DAZL: variants seen among roughly 807,000 people sequenced by gnomAD.
The protein encoded by DAZL is deleted in azoospermia like.
Under a neutral mutation model 45.0 loss-of-function variants are expected in DAZL, and 4 were observed. The ratio of observed to expected loss-of-function variants is 0.09; its 90% CI spans 0.04 to 0.20. DAZL has a LOEUF of 0.20. Ranked by LOEUF, DAZL falls within the 10% of genes least tolerant of loss-of-function variation. The pLI, the probability that DAZL is intolerant of heterozygous loss-of-function variation, is 1.00. For synonymous variants in DAZL, 122 were observed against 112.4 expected (o/e 1.09, Z -0.54); for missense variants, 326 against 351.3 (o/e 0.93, Z 0.58).
rs547150338 is a variant in DAZL, at chr3:16,601,729, G to C, written c.4-3131C>G. Among the ~76,000 whole-genome samples the C allele has an allele frequency of 7.2e-5, 11 of 151,958 alleles. No individual in the cohort carries two copies. In the South Asian group the frequency reaches 2.3e-3, roughly 32 times the overall value. On this transcript the variant is annotated intron_variant, in intron 1 of 10. Coordinates refer to ENST00000399444, the MANE Select transcript of DAZL (RefSeq NM_001351.4). ...TAATCATACCTTCAAGTGAGTTGGT[G>C]AATTTTGAAATGAGAAATGTTGGAA...
rs973633608 is a variant in DAZL at position 16,595,461 on chromosome 3, C to T, written c.499-76G>A. 2.7e-5 allele frequency: 23 copies of T among 843,642 alleles called. No individual in the cohort carries two copies. In the African/African-American group the frequency reaches 3.8e-4, roughly 14 times the overall value. The allele number at this position is 843,642 out of a possible 1,614,324, so 52.3% of individuals were successfully genotyped here. On this transcript the variant is annotated intron_variant, in intron 6 of 10. Coordinates refer to ENST00000399444, the MANE Select transcript of DAZL (RefSeq NM_001351.4). ...ATTAGAAATATTATTCCCAATATAA[C>T]AAAAATATGAAAACTTTTAAAATAT...
Position 16,587,472 on chromosome 3 carries a change from T to C in DAZL, c.*1188A>G, listed in dbSNP as rs1694454230. ...CTTTCATTCTTTATATCACCAGTTC[T>C]AGGAGCAAACCTCCTCAAAGACTAG... On this transcript the variant is annotated 3_prime_UTR_variant, in exon 11 of 11. Coordinates refer to ENST00000399444, the MANE Select transcript of DAZL (RefSeq NM_001351.4). 6.6e-6 allele frequency: 1 copy of C among 152,418 alleles called. No homozygotes were observed. The highest frequency in any genetic ancestry group is 6.6e-5 in the Admixed American group (1 of 15,228). The allele number at this position is 152,418 out of a possible 1,614,324, so 9.4% of individuals were successfully genotyped here. A position where few individuals can be genotyped will look rare whatever the true frequency, so the allele number is the denominator to read the frequency against.
intron 1 of DAZL, chr3:16,604,680 G>A (rs1694747719): frequency 5.9e-6 from 8 of 1,354,660 alleles, no homozygotes; most frequent in Admixed American, 3.4e-5. Context: ...AGGAAGCTCC[G>A]GCCCTCGAAG....
intron 6 of DAZL, 34 bp downstream of exon 6, chr3:16,596,716 A>C: frequency 6.2e-7 from 1 of 1,610,476 alleles, no homozygotes; most frequent in Non-Finnish European, 8.5e-7. Flanking sequence ...TGACTACAAT[A>C]AACAAGAGAA....
Position 16,588,569 on chromosome 3 carries a change from A to T in DAZL, c.*91T>A. On this transcript the variant is annotated 3_prime_UTR_variant, in exon 11 of 11. Coordinates refer to ENST00000399444, the MANE Select transcript of DAZL (RefSeq NM_001351.4). The stretch of plus-strand genomic sequence containing the variant: ...TATACACAAAGTTTGAGTGTGATTT[A>T]CCAAAATTCAGAATTTCTATAATAG... 3 of 1,012,970 alleles carry T rather than the reference A, an allele frequency of 3.0e-6. No individual in the cohort carries two copies. Among genetic ancestry groups the T allele is most frequent in the Non-Finnish European group, 4.7e-6 (3 of 635,150 alleles). 62.7% of individuals were successfully genotyped at this position (1,012,970 alleles called of 1,614,324 possible).
chr3:16,599,851 T>C (rs1375270830), intron 1 of DAZL, among the ~76,000 whole-genome samples: 1 of 152,130 alleles, frequency 6.6e-6, no homozygotes, highest in Non-Finnish European at 1.5e-5. Flanking sequence ...TACAGGTAAG[T>C]GGTTACAAGC....
chr3:16,595,898 T>C (rs1694592524), intron 6 of DAZL, among the ~76,000 whole-genome samples: 2 of 152,028 alleles, frequency 1.3e-5, no homozygotes, highest in Admixed American at 1.3e-4. Context: ...TAATGTCTTA[T>C]ATTTTTCAAT....
At chr3:16,603,537 G>C (rs756019580) in intron 1 of DAZL, among the ~76,000 whole-genome samples, 6 of 146,970 alleles carry the variant, frequency 4.1e-5, no homozygotes, top group Non-Finnish European at 7.4e-5. Flanking sequence ...AGTAGCGATG[G>C]GGTTTCGCCG....
rs537655505 is a variant in DAZL, at chr3:16,605,402, G to A, written c.-197C>T. 1.2e-5 allele frequency: 8 copies of A among 686,742 alleles called. No individual in the cohort carries two copies. The highest frequency in any genetic ancestry group is 2.7e-5 in the East Asian group (1 of 36,978). 42.5% of individuals were successfully genotyped at this position (686,742 alleles called of 1,614,324 possible). On this transcript the variant is annotated 5_prime_UTR_variant, in exon 1 of 11. Coordinates refer to ENST00000399444, the MANE Select transcript of DAZL (RefSeq NM_001351.4). ...AGGAGCCCCGAAAGGCGGACCGTCA[G>A]GCTGAGGAGCGCAGGCGGACTGAGG...
chr3:16,598,269 TCCC>T (rs1159217308), intron 2 of DAZL, 91 bp from the exon 3 acceptor site: 92 of 1,423,574 alleles, frequency 6.5e-5, no homozygotes, highest in Admixed American at 3.6e-5. Context: ...TGACAATTTC[TCCC>T]CCATTTATCC....
At chr3:16,596,916 CT>C in intron 5 of DAZL, 27 bp from the exon 6 acceptor site, 2 of 1,613,606 alleles carry the variant, frequency 1.2e-6, no homozygotes, top group Non-Finnish European at 1.7e-6. Context: ...AAGAAAAGGC[CT>C]ATTTTTAGTT....
chr3:16,598,344 C>A, intron 2 of DAZL, 108 bp downstream of exon 2: 1 of 1,498,446 alleles, frequency 6.7e-7, no homozygotes, highest in Non-Finnish European at 9.2e-7. Context: ...AATGTAAAAC[C>A]AATTCTAAAC....
At chr3:16,604,611 G>GCCCC in intron 1 of DAZL, 8 of 1,373,784 alleles carry the variant, frequency 5.8e-6, no homozygotes, top group Non-Finnish European at 7.5e-6. Context: ...CCACGCTGAG[G>GCCCC]CCCCCACGAA....
At chr3:16,592,299 G>GT in intron 9 of DAZL, 151 bp from the exon 10 acceptor site, 1 of 1,204,592 alleles carries the variant, frequency 8.3e-7, no homozygotes, top group Non-Finnish European at 1.2e-6. Flanking sequence ...GCTCACGCCT[G>GT]TAATCCCAGC....
At chr3:16,593,610 G>GA (rs762377794) in intron 9 of DAZL, 45 bp downstream of exon 9, 1 of 1,236,824 alleles carries the variant, frequency 8.1e-7, no homozygotes, top group Non-Finnish European at 1.1e-6. Context: ...ATTAAAACTA[G>GA]AAAAAATAAA....
At chr3:16,601,570 A>G (rs1351711879) in intron 1 of DAZL, among the ~76,000 whole-genome samples, 1 of 152,220 alleles carries the variant, frequency 6.6e-6, no homozygotes, top group African/African-American at 2.4e-5. Context: ...CAATCAATAG[A>G]CAAACTTTGG....
At chr3:16,604,833 T>G in intron 1 of DAZL, 1 of 500,174 alleles carries the variant, frequency 2.0e-6, no homozygotes, top group Non-Finnish European at 3.3e-6. Flanking sequence ...CGCGTGGGAG[T>G]GGGGGCGGGG....
rs1048960 is a variant in DAZL, at chr3:16,586,835, A to G, written c.*1825T>C. ...TATTTTTATTCATGTATGCAAAGAC[A>G]GTATCAGCAATAGGCAGAAGCATAT... is the stretch of plus-strand genomic sequence containing the variant. On this transcript the variant is annotated 3_prime_UTR_variant, in exon 11 of 11. Transcript: ENST00000399444. 6.6e-6 allele frequency: 1 copy of G among 152,208 alleles called. No homozygotes were observed. The highest frequency in any genetic ancestry group is 6.5e-5 in the Admixed American group (1 of 15,282). The allele number at this position is 152,208 out of a possible 1,614,324, so 9.4% of individuals were successfully genotyped here. A position where few individuals can be genotyped will look rare whatever the true frequency, so the allele number is the denominator to read the frequency against.
chr3:16,593,917 A>G (rs1416182391), intron 8 of DAZL, 149 bp from the exon 9 acceptor site: 3 of 581,272 alleles, frequency 5.2e-6, no homozygotes, highest in Non-Finnish European at 9.1e-6. Context: ...TTTGTTTTAA[A>G]TGAACAGTTG....
Sources: gnomAD v4.1 joint callset for allele counts (sites outside exome capture counted in the v4.1 genomes callset) on GRCh38, gnomAD v4.1.1 for gene constraint, MANE v1.5 for transcripts, NCBI Gene and HGNC (gene_info 2026-07-23, HGNC 2026-07-21) for gene names.